The following IRAK1BP1 variants were observed in gnomAD, a reference collection of about 807,000 sequenced individuals.
IRAK1BP1 encodes interleukin-1 receptor-associated kinase 1-binding protein 1.
In IRAK1BP1, 24 loss-of-function variants were observed where a neutral mutation model predicts 28.0. That is an observed-to-expected ratio of 0.86 (90% CI 0.62 to 1.20). The LOEUF is 1.20. Among genes scored for constraint, IRAK1BP1 ranks in the 50% most tolerant of loss-of-function variants. The pLI, the probability that IRAK1BP1 is intolerant of heterozygous loss-of-function variation, is 0.00. For missense variants in IRAK1BP1, 336 were observed against 316.7 expected, an observed-to-expected ratio of 1.06 and a Z score of -0.46; for synonymous variants, 131 against 116.3, an observed-to-expected ratio of 1.13 and a Z score of -0.81.
chr6:78,885,626 A>G (rs1458423647), intron 2 of IRAK1BP1, among the ~76,000 whole-genome samples, 183 bp downstream of exon 2: 4 of 152,162 alleles, frequency 2.6e-5, no homozygotes, highest in Admixed American at 2.6e-4. Context: ...TTTAAAAGAA[A>G]GTTTAAAATG....
At chr6:78,881,982 T>C (rs1471264485) in intron 1 of IRAK1BP1, among the ~76,000 whole-genome samples, 1 of 151,994 alleles carries the variant, frequency 6.6e-6, no homozygotes, top group Admixed American at 6.6e-5. Flanking sequence ...TACAGAAAAT[T>C]TTACATGTAA....
intron 4 of IRAK1BP1, among the ~76,000 whole-genome samples, chr6:78,926,265 A>C (rs1772888432): frequency 6.6e-6 from 1 of 152,164 alleles, no homozygotes; most frequent in African/African-American, 2.4e-5. Flanking sequence ...CAGTTTGGAG[A>C]TTTTCCAAAT....
chr6:78,893,192 C>A (rs1029127631), intron 2 of IRAK1BP1, among the ~76,000 whole-genome samples: 7 of 150,640 alleles, frequency 4.6e-5, no homozygotes, highest in African/African-American at 1.7e-4. Context: ...TACAAAGGAA[C>A]AAAGGTAAGA....
intron 4 of IRAK1BP1, among the ~76,000 whole-genome samples, chr6:78,929,723 T>G (rs1772991105): frequency 1.3e-5 from 2 of 152,174 alleles, no homozygotes; most frequent in Non-Finnish European, 2.9e-5. Context: ...TTTTCCTGTA[T>G]AAGTGTGGAA....
At chr6:78,975,951 A>G in the IRAK1BP1 span, among the ~76,000 whole-genome samples, 4 of 151,516 alleles carry the variant, frequency 2.6e-5, no homozygotes, top group East Asian at 7.8e-4. Flanking sequence ...CATACTGCCC[A>G]AGGTAATTTA....
At chr6:78,947,484 TTC>T, downstream of IRAK1BP1, 1 of 539,576 alleles carries the variant, frequency 1.9e-6, no homozygotes, top group Non-Finnish European at 3.3e-6. Flanking sequence ...AAGGTATAAT[TTC>T]TTTTTCCAGT....
the IRAK1BP1 span, among the ~76,000 whole-genome samples, chr6:78,970,349 A>G: frequency 6.6e-6 from 1 of 152,128 alleles, no homozygotes; most frequent in Non-Finnish European, 1.5e-5. Context: ...TATAGTATGC[A>G]AGTTACAATG....
intron 4 of IRAK1BP1, among the ~76,000 whole-genome samples, chr6:78,941,941 G>T (rs1403933918): frequency 6.6e-6 from 1 of 152,138 alleles, no homozygotes; most frequent in Non-Finnish European, 1.5e-5. Context: ...AGGATCTGGA[G>T]ATGATGAATT....
chr6:78,894,151 T>C (rs905011670), intron 2 of IRAK1BP1, among the ~76,000 whole-genome samples: 1 of 151,872 alleles, frequency 6.6e-6, no homozygotes, highest in African/African-American at 2.4e-5. Context: ...AATAAGTCAA[T>C]GAAAGCTATG....
rs1770625604 is a variant in IRAK1BP1, at chr6:78,867,668, G to C, written c.92G>C (p.Arg31Thr). Residue 31 changes from arginine (R) to threonine (T), a missense_variant, in exon 1 of 4, where the codon AGA becomes ACA. By Grantham distance (71) the Arg-to-Thr change is moderately conservative. Coordinates refer to ENST00000369940, the MANE Select transcript of IRAK1BP1 (RefSeq NM_001010844.4). The stretch of plus-strand genomic sequence containing the variant: ...CGGGAGAACAACCTGGCCTCAGGGA[G>C]AGAGACGCTACCGGGCTTACGCCAC... ...RSRENNLASG[R>T]ETLPGLRHPL... The C allele has an allele frequency of 1.2e-6, 2 of 1,614,246 alleles. No individual in the cohort carries two copies. Among genetic ancestry groups the C allele is most frequent in the Non-Finnish European group, 1.7e-6 (2 of 1,180,052 alleles).
chr6:78,953,149 G>T, the IRAK1BP1 span, among the ~76,000 whole-genome samples: 1 of 151,968 alleles, frequency 6.6e-6, no homozygotes, highest in African/African-American at 2.4e-5. Flanking sequence ...CATGTATAGT[G>T]TAAGTTTAGG....
At chr6:78,971,256 A>G in the IRAK1BP1 span, among the ~76,000 whole-genome samples, 1 of 152,262 alleles carries the variant, frequency 6.6e-6, no homozygotes, top group East Asian at 1.9e-4. Flanking sequence ...TGCAGAAAAC[A>G]TTGAAATGAA....
At chr6:78,927,805 G>A (rs981782129) in intron 4 of IRAK1BP1, among the ~76,000 whole-genome samples, 1 of 152,038 alleles carries the variant, frequency 6.6e-6, no homozygotes, top group Non-Finnish European at 1.5e-5. Flanking sequence ...TTTCCCAACT[G>A]TATGTTCCTT....
At chr6:78,963,960 C>A in the IRAK1BP1 span, among the ~76,000 whole-genome samples, 1 of 152,094 alleles carries the variant, frequency 6.6e-6, no homozygotes, top group South Asian at 2.1e-4. Context: ...AATAGAACAA[C>A]AACAGTAACC....
chr6:78,974,020 G>C, the IRAK1BP1 span, among the ~76,000 whole-genome samples: 7 of 152,246 alleles, frequency 4.6e-5, no homozygotes, highest in East Asian at 5.8e-4. Flanking sequence ...TCTGCACCAA[G>C]CAGACCTAAT....
intron 4 of IRAK1BP1, chr6:78,940,942 CCTT>C: frequency 6.2e-7 from 1 of 1,613,976 alleles, no homozygotes; most frequent in Non-Finnish European, 8.5e-7. Context: ...GGTTACTTCT[CCTT>C]AACACTTTGA....
At chr6:78,927,262 C>A (rs1303582421) in intron 4 of IRAK1BP1, among the ~76,000 whole-genome samples, 1 of 151,978 alleles carries the variant, frequency 6.6e-6, no homozygotes, top group Non-Finnish European at 1.5e-5. Context: ...AGATGATATC[C>A]CATCGTAGTT....
chr6:78,961,893 A>C, the IRAK1BP1 span: 2 of 1,066,418 alleles, frequency 1.9e-6, no homozygotes, highest in South Asian at 3.0e-5. Flanking sequence ...TTAAGACTTA[A>C]AAAGTCCTAA....
the IRAK1BP1 span, chr6:78,965,887 G>A: frequency 6.8e-6 from 9 of 1,326,932 alleles, no homozygotes; most frequent in Admixed American, 5.2e-5. Context: ...CTTAATAGAT[G>A]GAAAAAAAAA....
Sources: gnomAD v4.1 joint callset for allele counts (sites outside exome capture counted in the v4.1 genomes callset) on GRCh38, gnomAD v4.1.1 for gene constraint, MANE v1.5 for transcripts, NCBI Gene and HGNC (gene_info 2026-07-23, HGNC 2026-07-21) for gene names.